GAB2: variants seen among roughly 807,000 people sequenced by gnomAD.
GAB2 encodes the protein GRB2 associated binding protein 2, also known as GRB2-associated-binding protein 2.
In GAB2, 26 loss-of-function variants were observed where a neutral mutation model predicts 65.5. The ratio of observed to expected loss-of-function variants is 0.40; its 90% CI spans 0.29 to 0.55. The LOEUF is 0.55. GAB2 is among the 20% of genes least tolerant of loss of function. GAB2 has a pLI of 0.53. For missense variants in GAB2, 884 were observed against 875.8 expected, an observed-to-expected ratio of 1.01 and a Z score of -0.12; for synonymous variants, 321 against 329.6, an observed-to-expected ratio of 0.97 and a Z score of 0.28.
chr11:78,228,017 A>G (rs1486653703), intron 3 of GAB2, among the ~76,000 whole-genome samples: 5 of 152,180 alleles, frequency 3.3e-5, no homozygotes, highest in African/African-American at 1.2e-4. Context: ...GTTTTGGGCA[A>G]TAAGGCAAGC....
At chr11:78,233,764 G>A (rs967438701) in intron 3 of GAB2, among the ~76,000 whole-genome samples, 2 of 152,108 alleles carry the variant, frequency 1.3e-5, no homozygotes, top group Non-Finnish European at 1.5e-5. Flanking sequence ...GCACATCCAC[G>A]CCTGTCTAAT....
intron 2 of GAB2, among the ~76,000 whole-genome samples, chr11:78,272,101 CTT>C (rs1339687482): frequency 6.6e-6 from 1 of 152,090 alleles, no homozygotes; most frequent in Non-Finnish European, 1.5e-5. Context: ...GTCTCTCTCT[CTT>C]TTATTTTTTG....
intron 1 of GAB2, among the ~76,000 whole-genome samples, chr11:78,309,082 T>C (rs1483946724): frequency 6.6e-6 from 1 of 152,066 alleles, no homozygotes; most frequent in African/African-American, 2.4e-5. Context: ...GAGAATTACT[T>C]AGGAGTTAGG....
At chr11:78,274,678 T>A (rs1203601077) in intron 2 of GAB2, among the ~76,000 whole-genome samples, 1 of 152,212 alleles carries the variant, frequency 6.6e-6, no homozygotes, top group Non-Finnish European at 1.5e-5. Flanking sequence ...GATGACTGGA[T>A]TAAAGCCCTT....
At chr11:78,384,883 C>CTCA in intron 1 of GAB2, among the ~76,000 whole-genome samples, 1 of 152,340 alleles carries the variant, frequency 6.6e-6, no homozygotes, top group African/African-American at 2.4e-5. Flanking sequence ...GGCACCTAAG[C>CTCA]TCATCTGGCC....
intron 3 of GAB2, among the ~76,000 whole-genome samples, chr11:78,232,489 AT>A (rs1250192636): frequency 2.0e-5 from 3 of 152,296 alleles, no homozygotes; most frequent in Middle Eastern, 3.4e-3. Context: ...AAAGAACTCT[AT>A]TTGTCTTGAC....
chr11:78,411,033 G>C (rs369456922), intron 1 of GAB2, among the ~76,000 whole-genome samples: 1 of 151,660 alleles, frequency 6.6e-6, no homozygotes, highest in African/African-American at 2.4e-5. Context: ...CGCAGCTGTC[G>C]TCCCAATTAC....
intron 1 of GAB2, among the ~76,000 whole-genome samples, chr11:78,371,649 C>T (rs1246245657): frequency 6.6e-6 from 1 of 152,200 alleles, no homozygotes; most frequent in Non-Finnish European, 1.5e-5. Flanking sequence ...CCTTTGCTGT[C>T]TAGTACAGTT....
Position 78,322,071 on chromosome 11 carries a change from G to A in GAB2, c.76-41170C>T, listed in dbSNP as rs182051867. On this transcript the variant is annotated intron_variant, in intron 1 of 9. Transcript: ENST00000361507. ...TGTAATCCCAGCACTCTGGGAGGCC[G>A]AGGTGGGCGGGTCACCTGAGGTCAA... Among the ~76,000 whole-genome samples the A allele has an allele frequency of 2.2e-4, 34 of 151,980 alleles. No individual in the cohort carries two copies. In the East Asian group the frequency reaches 3.9e-3, roughly 17 times the overall value.
chr11:78,407,002 T>C (rs374067115), intron 1 of GAB2, among the ~76,000 whole-genome samples: 6 of 151,808 alleles, frequency 4.0e-5, no homozygotes, highest in Non-Finnish European at 5.9e-5. Flanking sequence ...GACAGAGAAA[T>C]AGAATCAGTG....
intron 1 of GAB2, among the ~76,000 whole-genome samples, chr11:78,404,237 T>C (rs1174545409): frequency 1.3e-5 from 2 of 152,148 alleles, no homozygotes; most frequent in Non-Finnish European, 2.9e-5. Flanking sequence ...ATGTGGTACA[T>C]ATACACAATG....
chr11:78,333,880 T>C (rs970072802), intron 1 of GAB2, among the ~76,000 whole-genome samples: 1 of 152,208 alleles, frequency 6.6e-6, no homozygotes, highest in Non-Finnish European at 1.5e-5. Flanking sequence ...TTAAGGTCTA[T>C]GATCCCTGGG....
At chr11:78,409,052 G>T (rs1379027302) in intron 1 of GAB2, among the ~76,000 whole-genome samples, 1 of 152,176 alleles carries the variant, frequency 6.6e-6, no homozygotes, top group Non-Finnish European at 1.5e-5. Context: ...GATATGGGTA[G>T]GTTGAAAGTA....
At position 78,280,713 on chromosome 11, in the gene GAB2, G is replaced by A. The variant is rs780353160; in HGVS notation, c.264C>T (p.Ile88=). The change falls in exon 2 of 10, where the codon ATC becomes ATT. Residue 88 remains isoleucine, a synonymous_variant. Coordinates refer to ENST00000361507, the MANE Select transcript of GAB2 (RefSeq NM_080491.3). ...GGTAAAAGGTGCGTTCACTGGTCTT[G>A]ATGTCAAACACAAAACTATCCTGCA... The part of the protein sequence containing the change: ...KELQDSFVFD[I]KTSERTFYLV... The A allele has an allele frequency of 5.6e-6, 9 of 1,614,086 alleles. No individual in the cohort carries two copies. In the South Asian group the frequency reaches 8.8e-5, roughly 16 times the overall value.
At chr11:78,384,588 G>A (rs1470709977) in intron 1 of GAB2, among the ~76,000 whole-genome samples, 1 of 152,226 alleles carries the variant, frequency 6.6e-6, no homozygotes, top group Non-Finnish European at 1.5e-5. Flanking sequence ...TGGAACGCTT[G>A]CAGAGAGAAC....
chr11:78,391,146 T>C (rs148215983), intron 1 of GAB2, among the ~76,000 whole-genome samples: 2 of 152,122 alleles, frequency 1.3e-5, no homozygotes, highest in East Asian at 3.9e-4. Flanking sequence ...TACAGAAAAA[T>C]TAGCTGGATG....
In GAB2 at chr11:78,218,303, C is replaced by T. The variant is rs1370397461; in HGVS notation, c.*969G>A. The T allele has an allele frequency of 6.5e-6, 1 of 153,352 alleles. No homozygotes were observed. 9.5% of individuals were successfully genotyped at this position (153,352 alleles called of 1,614,324 possible). A position where few individuals can be genotyped will look rare whatever the true frequency, so the allele number is the denominator to read the frequency against. ...CCCCCATCCACACCACACTCCCTCC[C>T]ATATTCCCCACCCCTTTACCATGTG... On this transcript the variant is annotated 3_prime_UTR_variant, in exon 10 of 10. Coordinates refer to ENST00000361507, the MANE Select transcript of GAB2 (RefSeq NM_080491.3).
intron 1 of GAB2, among the ~76,000 whole-genome samples, chr11:78,415,005 G>A (rs1857176436): frequency 6.6e-6 from 1 of 152,098 alleles, no homozygotes. Flanking sequence ...CTGAGTAGCT[G>A]GGACTACAGA....
chr11:78,222,575 T>C (rs1864484223), intron 6 of GAB2, among the ~76,000 whole-genome samples: 1 of 149,384 alleles, frequency 6.7e-6, no homozygotes, highest in Non-Finnish European at 1.5e-5. Flanking sequence ...ACTATTTATA[T>C]ATTAACACAC....
Sources: gnomAD v4.1 joint callset for allele counts (sites outside exome capture counted in the v4.1 genomes callset) on GRCh38, gnomAD v4.1.1 for gene constraint, MANE v1.5 for transcripts, NCBI Gene and HGNC (gene_info 2026-07-23, HGNC 2026-07-21) for gene names.